The following SLIT1 variants were observed in gnomAD, a reference collection of about 807,000 sequenced individuals.
SLIT1 encodes slit guidance ligand 1.
In SLIT1, 66 loss-of-function variants were observed where a neutral mutation model predicts 186.1. The observed-to-expected ratio is 0.35, with a 90% CI of 0.29 to 0.44. The LOEUF (loss-of-function observed/expected upper bound fraction) is 0.44, where lower values mean the gene tolerates loss of function less well. Among genes scored for constraint, SLIT1 ranks in the 20% least tolerant of loss-of-function variants. SLIT1 has a pLI of 1.00. For synonymous variants in SLIT1, 761 were observed against 833.8 expected, an observed-to-expected ratio of 0.91 and a Z score of 1.50; for missense variants, 1,638 against 2,037.4, an observed-to-expected ratio of 0.80 and a Z score of 3.77.
chr10:97,119,246 C>T (rs1485326288), intron 4 of SLIT1, among the ~76,000 whole-genome samples: 2 of 152,224 alleles, frequency 1.3e-5, no homozygotes, highest in East Asian at 1.9e-4. Flanking sequence ...CAACTCATCG[C>T]CATCCTATTG....
In SLIT1 at chr10:97,013,750, T is replaced by C; in HGVS notation, c.3194A>G (p.Asp1065Gly). Residue 1065 changes from aspartate (D) to glycine (G), a missense_variant, in exon 30 of 37, where the codon GAT becomes GGT. Physicochemically the swap from Asp to Gly is moderately conservative, Grantham distance 94. This residue lies in a region of SLIT1 where 1,245 missense variants were observed against 1,535.3 expected (regional missense o/e 0.81). Coordinates refer to ENST00000266058, the MANE Select transcript of SLIT1 (RefSeq NM_003061.3). ...AAGGGGCAACACTCACCTGGGCCCA[T>C]CCGGGGTGCCCACACACTGGGCCTC... Reference protein sequence around the residue: ...QHEAQCVGTPDGPRCECMPGY... With the variant: ...QHEAQCVGTPGGPRCECMPGY... 6.4e-7 allele frequency: 1 copy of C among 1,551,122 alleles called. No homozygotes were observed. The highest frequency in any genetic ancestry group is 8.7e-7 in the Non-Finnish European group (1 of 1,146,564).
At chr10:97,030,349 A>G (rs1848580005) in intron 25 of SLIT1, among the ~76,000 whole-genome samples, 1 of 152,230 alleles carries the variant, frequency 6.6e-6, no homozygotes, top group Non-Finnish European at 1.5e-5. Context: ...GCTTAAGAGC[A>G]CTGGCCTAGG....
chr10:97,171,016 C>G (rs754238537), intron 1 of SLIT1, among the ~76,000 whole-genome samples: 1 of 151,994 alleles, frequency 6.6e-6, no homozygotes, highest in Non-Finnish European at 1.5e-5. Context: ...TCACAGCTTG[C>G]GGTGGATGGA....
At position 97,163,383 on chromosome 10, in the gene SLIT1, C is replaced by T. The variant is rs779425985; in HGVS notation, c.338G>A (p.Arg113Gln). The change falls in exon 3 of 37, where the codon CGG becomes CAG. Residue 113 changes from arginine to glutamine, a missense_variant. Coordinates refer to ENST00000266058, the MANE Select transcript of SLIT1 (RefSeq NM_003061.3). ...CCTGCACCCTGCCAGGACTCACAGC[C>T]GCTCCAGCTCCTTCATGTCATCAAA... ...GAFDDMKELERLRLNRNQLHM... is the reference protein window; with the variant it reads ...GAFDDMKELEQLRLNRNQLHM... 47 of 1,614,028 alleles carry T rather than the reference C, an allele frequency of 2.9e-5. No homozygotes were observed. Among genetic ancestry groups the T allele is most frequent in the South Asian group, 7.7e-5 (7 of 91,082 alleles).
rs1033323480 is a variant in SLIT1 at position 97,184,259 on chromosome 10, G to A, written c.197+1219C>T. 1.2e-4 allele frequency among the ~76,000 whole-genome samples: 18 copies of A among 152,266 alleles called. No individual in the cohort carries two copies. Among genetic ancestry groups the A allele is most frequent in the Non-Finnish European group, 2.4e-4 (16 of 68,028 alleles). On this transcript the variant is annotated intron_variant, in intron 1 of 36. Transcript: ENST00000266058. This position sits in a 1 kb window ranked among gnomAD's most constrained non-coding sequence, Gnocchi z 4.4. ...GGGGGCCATGAAAATGTGCTCGAAAGTTATCAAAATATGCACACCTTTCCT... is the reference window on the plus strand; with the variant it reads ...GGGGGCCATGAAAATGTGCTCGAAAATTATCAAAATATGCACACCTTTCCT...
intron 30 of SLIT1, 114 bp from the exon 31 acceptor site, chr10:97,011,244 G>A (rs1848408105): frequency 1.4e-6 from 1 of 732,272 alleles, no homozygotes; most frequent in South Asian, 1.7e-5. Flanking sequence ...AGAACCTCAA[G>A]TTCCATTGAG....
At position 97,013,797 on chromosome 10, in the gene SLIT1, C is replaced by T. The variant is rs750084230; in HGVS notation, c.3147G>A (p.Pro1049=). The T allele has an allele frequency of 2.1e-5, 32 of 1,551,468 alleles. No individual in the cohort carries two copies. The highest frequency in any genetic ancestry group is 3.9e-5 in the Admixed American group (2 of 50,974). Residue 1049 remains proline (P), a synonymous_variant, in exon 30 of 37, where the codon CCG becomes CCA. Transcript: ENST00000266058. ...ACEQLVDLCS[P]DLNPCQHEAQ... is the part of the protein sequence containing the mutation. ...CCTCGTGTTGACATGGGTTCAGATC[C>T]GGAGAGCACAAGTCCACCAGCTGCT... is the stretch of plus-strand genomic sequence containing the variant.
chr10:97,173,860 A>G (rs150345456), intron 1 of SLIT1, among the ~76,000 whole-genome samples: 41 of 152,324 alleles, frequency 2.7e-4, no homozygotes, highest in African/African-American at 8.9e-4. Context: ...GGGGCTCCTG[A>G]AGGGCGAAGG....
intron 11 of SLIT1, 97 bp downstream of exon 11, chr10:97,059,363 C>A (rs1750948405): frequency 1.0e-6 from 1 of 990,298 alleles, no homozygotes; most frequent in Middle Eastern, 3.0e-4. Context: ...GGGGCATAGC[C>A]CTGCTCCTCC....
intron 4 of SLIT1, among the ~76,000 whole-genome samples, chr10:97,116,626 C>T (rs1359025597): frequency 6.6e-6 from 1 of 152,214 alleles, no homozygotes; most frequent in East Asian, 1.9e-4. Flanking sequence ...GCATCCTGCC[C>T]AATTAACACT....
intron 25 of SLIT1, among the ~76,000 whole-genome samples, chr10:97,029,161 A>T (rs1052853202): frequency 3.9e-5 from 6 of 152,234 alleles, no homozygotes; most frequent in Admixed American, 3.3e-4. Flanking sequence ...TCAAAGGGCA[A>T]CACCTGTTAC....
At position 97,118,726 on chromosome 10, in the gene SLIT1, G is replaced by A. The variant is rs948726778; in HGVS notation, c.413+39092C>T. Among the ~76,000 whole-genome samples the A allele has an allele frequency of 8.5e-5, 13 of 152,106 alleles. No individual in the cohort carries two copies. In the East Asian group the frequency reaches 1.3e-3, roughly 16 times the overall value. ...CCCAACTCTGTCACACACTAGCCAC[G>A]TAACCTTGGGCAAGTTACTTAACCT... On this transcript the variant is annotated intron_variant, in intron 4 of 36. Coordinates refer to ENST00000266058, the MANE Select transcript of SLIT1 (RefSeq NM_003061.3).
rs767863422 is a variant in SLIT1 at position 97,006,695 on chromosome 10, G to A, written c.3367C>T (p.His1123Tyr). 1.2e-6 allele frequency: 2 copies of A among 1,613,800 alleles called. No individual in the cohort carries two copies. Among genetic ancestry groups the A allele is most frequent in the Non-Finnish European group, 1.7e-6 (2 of 1,179,880 alleles). Residue 1123 changes from histidine to tyrosine, a missense_variant, in exon 32 of 37, where the codon CAT (histidine) becomes TAT (tyrosine). This residue lies in a region of SLIT1 where 1,245 missense variants were observed against 1,535.3 expected (regional missense o/e 0.81). Coordinates refer to ENST00000266058, the MANE Select transcript of SLIT1 (RefSeq NM_003061.3). This position sits in a 1 kb window ranked among gnomAD's most constrained non-coding sequence, Gnocchi z 4.0. ...YSGQLCEIPP[H>Y]LPAPKSPCEG... ...CAGGGGCTCTTGGGGGCAGGCAGAT[G>A]GGGAGGGATCTCACAGAGCTGTCCA... is the stretch of plus-strand genomic sequence containing the variant.
intron 30 of SLIT1, among the ~76,000 whole-genome samples, chr10:97,012,277 T>C (rs1226730347): frequency 1.3e-5 from 2 of 152,214 alleles, no homozygotes; most frequent in Non-Finnish European, 2.9e-5. Context: ...TTATATCCAA[T>C]TGATCACAGT....
Position 97,018,642 on chromosome 10 carries a change from G to C in SLIT1, c.2913C>G (p.Gly971=). Residue 971 remains glycine, a synonymous_variant, in exon 28 of 37, where the codon GGC becomes GGG. Transcript: ENST00000266058. ...CEVSLDSCSS[G]PCENGGTCHA... ...GGCAGGTGCCCCCATTTTCACAGGG[G>C]CCACTGGAACAGCTGTCCAGGGACA... 1 of 1,596,348 alleles carries C rather than the reference G, an allele frequency of 6.3e-7. No homozygotes were observed.
chr10:97,005,152 C>A (rs1848349334), intron 32 of SLIT1, among the ~76,000 whole-genome samples: 1 of 152,176 alleles, frequency 6.6e-6, no homozygotes, highest in Admixed American at 6.5e-5. Context: ...GACTGGGACC[C>A]CTGTCTGCTG....
At chr10:97,164,167 G>C (rs140132468) in intron 2 of SLIT1, among the ~76,000 whole-genome samples, 1 of 152,230 alleles carries the variant, frequency 6.6e-6, no homozygotes, top group African/African-American at 2.4e-5. Flanking sequence ...TGACTGTTGC[G>C]TGATAACTTT....
intron 4 of SLIT1, among the ~76,000 whole-genome samples, chr10:97,147,628 C>G (rs1589411104): frequency 6.7e-6 from 1 of 149,242 alleles, no homozygotes; most frequent in South Asian, 2.1e-4. Flanking sequence ...GTTCAGAGAG[C>G]TGGGAGGGGG....
rs1387033787 is a variant in SLIT1, at chr10:97,063,551, G to A, written c.697C>T (p.Arg233Trp). ...LAWLSQWLRQ[R>W]PTIGLFTQCS... ...TGGGTGAAGAGCCCGATGGTTGGCC[G>A]CTGCCTCAGCCACTGCGAGAGCCAG... is the stretch of plus-strand genomic sequence containing the variant. Residue 233 changes from arginine to tryptophan, a missense_variant, in exon 8 of 37, where the codon CGG (arginine) becomes TGG (tryptophan). Physicochemically the swap from Arg to Trp is moderately radical, Grantham distance 101. This residue lies in a region of SLIT1 where 1,245 missense variants were observed against 1,535.3 expected (regional missense o/e 0.81). Coordinates refer to ENST00000266058, the MANE Select transcript of SLIT1 (RefSeq NM_003061.3). 14 of 1,612,848 alleles carry A rather than the reference G, an allele frequency of 8.7e-6. No individual in the cohort carries two copies. The highest frequency in any genetic ancestry group is 2.7e-5 in the African/African-American group (2 of 74,890).
Sources: gnomAD v4.1 joint callset for allele counts (sites outside exome capture counted in the v4.1 genomes callset) on GRCh38, gnomAD v4.1.1 for gene constraint, gnomAD v4.1.1 regional missense constraint, Gnocchi (gnomAD v3.1) non-coding constraint, MANE v1.5 for transcripts, NCBI Gene and HGNC (gene_info 2026-07-23, HGNC 2026-07-21) for gene names.